CACNA2D1: variants seen among roughly 807,000 people sequenced by gnomAD.
The protein encoded by CACNA2D1 is voltage-dependent calcium channel subunit alpha-2/delta-1.
CACNA2D1 carries 53 observed loss-of-function variants against 171.5 expected under a neutral mutation model. That is an observed-to-expected ratio of 0.31 (90% CI 0.25 to 0.39). CACNA2D1 has a LOEUF of 0.39. Among genes scored for constraint, CACNA2D1 ranks in the 10% least tolerant of loss-of-function variants. CACNA2D1 has a pLI of 1.00. For missense variants in CACNA2D1, 903 were observed against 1,299.8 expected, an observed-to-expected ratio of 0.69 and a Z score of 4.69; for synonymous variants, 442 against 443.1, an observed-to-expected ratio of 1.00 and a Z score of 0.03.
At chr7:82,157,167 TGAGTCAACA>T (rs1794459603) in intron 4 of CACNA2D1, among the ~76,000 whole-genome samples, 1 of 152,114 alleles carries the variant, frequency 6.6e-6, no homozygotes, top group African/African-American at 2.4e-5. Context: ...GTTTTTACTG[TGAGTCAACA>T]GAGCATGGCT....
At chr7:82,314,062 G>T (rs1037030321) in intron 3 of CACNA2D1, among the ~76,000 whole-genome samples, 2 of 152,034 alleles carry the variant, frequency 1.3e-5, no homozygotes, top group African/African-American at 4.8e-5. Flanking sequence ...CTTTCTAAAA[G>T]AATCACATGA....
chr7:81,979,782 A>G (rs1181023042), intron 24 of CACNA2D1, among the ~76,000 whole-genome samples: 1 of 152,130 alleles, frequency 6.6e-6, no homozygotes, highest in Middle Eastern at 3.2e-3. Flanking sequence ...AAAACTACTA[A>G]TAAGATTGCA....
intron 12 of CACNA2D1, chr7:82,028,652 T>A (rs1802262306): frequency 6.6e-6 from 1 of 151,766 alleles, no homozygotes; most frequent in African/African-American, 2.4e-5. Context: ...ATCGACATTA[T>A]CGGGAATTTG....
intron 3 of CACNA2D1, among the ~76,000 whole-genome samples, chr7:82,332,558 G>GAAAGAAAGAA (rs1554514943): frequency 7.3e-6 from 1 of 137,930 alleles, no homozygotes; most frequent in Non-Finnish European, 1.6e-5. Flanking sequence ...AAGAAAGAAA[G>GAAAGAAAGAA]AAAGAAAGAA....
At chr7:82,266,915 T>C (rs781073419) in intron 3 of CACNA2D1, among the ~76,000 whole-genome samples, 30 of 152,228 alleles carry the variant, frequency 2.0e-4, no homozygotes, top group Non-Finnish European at 4.3e-4. Flanking sequence ...ATCTAAAAAG[T>C]ATTTGATTTG....
At chr7:81,977,853 C>A (rs1014524432) in intron 24 of CACNA2D1, among the ~76,000 whole-genome samples, 3 of 149,818 alleles carry the variant, frequency 2.0e-5, no homozygotes, top group East Asian at 4.2e-4. Flanking sequence ...TGACAAAAGG[C>A]TAATATCCAG....
intron 20 of CACNA2D1, among the ~76,000 whole-genome samples, chr7:81,992,459 G>A (rs778168769): frequency 6.6e-6 from 1 of 152,006 alleles, no homozygotes; most frequent in African/African-American, 2.4e-5. Flanking sequence ...GTGGCAGATG[G>A]AGGGGGGAAC....
intron 3 of CACNA2D1, among the ~76,000 whole-genome samples, chr7:82,171,047 T>C (rs1042522981): frequency 4.6e-5 from 7 of 152,074 alleles, no homozygotes; most frequent in African/African-American, 7.2e-5. Context: ...CCTTCTTAAA[T>C]GCATATTGAG....
At chr7:81,994,792 A>G in intron 20 of CACNA2D1, 76 bp downstream of exon 20, 3 of 788,626 alleles carry the variant, frequency 3.8e-6, no homozygotes, top group Non-Finnish European at 6.6e-6. Flanking sequence ...GATTAATAGA[A>G]AAAAAGGACA....
At chr7:82,293,782 C>T (rs1811941358) in intron 3 of CACNA2D1, among the ~76,000 whole-genome samples, 1 of 152,118 alleles carries the variant, frequency 6.6e-6, no homozygotes, top group Non-Finnish European at 1.5e-5. Flanking sequence ...TTCAATGAAT[C>T]TTTATGTTTT....
intron 7 of CACNA2D1, among the ~76,000 whole-genome samples, chr7:82,072,815 A>G (rs375465910): frequency 4.4e-4 from 67 of 152,192 alleles, no homozygotes; most frequent in African/African-American, 1.6e-3. Flanking sequence ...GGGACTAATA[A>G]TGCCACTTAC....
At chr7:82,013,932 T>C (rs1232739240) in intron 13 of CACNA2D1, among the ~76,000 whole-genome samples, 2 of 152,044 alleles carry the variant, frequency 1.3e-5, no homozygotes, top group Non-Finnish European at 2.9e-5. Flanking sequence ...TAACATATGT[T>C]TTTCTCAGTA....
Position 82,400,822 on chromosome 7 carries a change from T to C in CACNA2D1, c.95+42543A>G, listed in dbSNP as rs997510541. The stretch of plus-strand genomic sequence containing the variant: ...ACCTACTCATCTGACAAAGGGCTAA[T>C]ATCCAGAATCTACAATGAACTCAAA... On this transcript the variant is annotated intron_variant, in intron 1 of 38. Transcript: ENST00000356860. 5.4e-4 allele frequency among the ~76,000 whole-genome samples: 82 copies of C among 151,258 alleles called. No individual in the cohort carries two copies. In the Middle Eastern group the frequency reaches 0.017, roughly 32 times the overall value.
At chr7:82,364,272 C>T (rs1821428031) in intron 1 of CACNA2D1, among the ~76,000 whole-genome samples, 1 of 152,120 alleles carries the variant, frequency 6.6e-6, no homozygotes, top group Non-Finnish European at 1.5e-5. Context: ...TAGGGCACTG[C>T]AGCTGGAGAC....
intron 1 of CACNA2D1, among the ~76,000 whole-genome samples, chr7:82,378,290 T>C (rs1823250628): frequency 6.6e-6 from 1 of 152,232 alleles, no homozygotes; most frequent in East Asian, 1.9e-4. Flanking sequence ...TCCCAGCTAC[T>C]AAGAAGGCTG....
intron 5 of CACNA2D1, among the ~76,000 whole-genome samples, chr7:82,118,772 G>A (rs951654451): frequency 2.0e-5 from 3 of 151,714 alleles, no homozygotes; most frequent in South Asian, 2.1e-4. Context: ...AAATAATAAC[G>A]TACTTCTCAA....
chr7:82,322,640 T>A (rs1416768749), intron 3 of CACNA2D1, among the ~76,000 whole-genome samples: 1 of 151,862 alleles, frequency 6.6e-6, no homozygotes, highest in East Asian at 1.9e-4. Flanking sequence ...AAAAATAAAA[T>A]TTAAAAAGAT....
At chr7:82,140,744 T>C (rs258713) in intron 4 of CACNA2D1, among the ~76,000 whole-genome samples, 15,735 of 151,792 alleles carry the variant, frequency 0.1, 1,025 homozygotes, top group Middle Eastern at 0.24. Context: ...TCACAAGGTC[T>C]GGAGATCGAG....
At chr7:82,009,563 C>T (rs949239406) in intron 15 of CACNA2D1, among the ~76,000 whole-genome samples, 2 of 152,068 alleles carry the variant, frequency 1.3e-5, no homozygotes, top group Admixed American at 6.6e-5. Flanking sequence ...TTTAAAAATG[C>T]TACCATGGTT....
Sources: gnomAD v4.1 joint callset for allele counts (sites outside exome capture counted in the v4.1 genomes callset) on GRCh38, gnomAD v4.1.1 for gene constraint, MANE v1.5 for transcripts, NCBI Gene and HGNC (gene_info 2026-07-23, HGNC 2026-07-21) for gene names.